MTHFD1L: variants seen among roughly 807,000 people sequenced by gnomAD.
MTHFD1L encodes monofunctional C1-tetrahydrofolate synthase, mitochondrial.
Under a neutral mutation model 119.5 loss-of-function variants are expected in MTHFD1L, and 81 were observed. The ratio of observed to expected loss-of-function variants is 0.68; its 90% CI spans 0.57 to 0.82. The LOEUF (loss-of-function observed/expected upper bound fraction) is 0.82. Among genes scored for constraint, MTHFD1L ranks in the 40% least tolerant of loss-of-function variants. The pLI is 0.00. For missense variants in MTHFD1L, 1,125 were observed against 1,253.4 expected (o/e 0.90, Z 1.55); for synonymous variants, 430 against 475.2 (o/e 0.90, Z 1.24).
intron 5 of MTHFD1L, among the ~76,000 whole-genome samples, chr6:150,884,141 A>AT (rs55821340): frequency 0.17 from 22,504 of 130,580 alleles, 2,225 homozygotes; most frequent in East Asian, 0.28. Context: ...CCTCATCTCT[A>AT]TTTTTTTTTT....
chr6:150,971,451 G>T (rs1797992129), intron 19 of MTHFD1L, among the ~76,000 whole-genome samples: 1 of 152,114 alleles, frequency 6.6e-6, no homozygotes, highest in African/African-American at 2.4e-5. Flanking sequence ...CGCCCATCTT[G>T]GCCTCCCAAA....
chr6:151,083,491 C>T (rs1053722132), intron 26 of MTHFD1L, among the ~76,000 whole-genome samples: 1 of 152,152 alleles, frequency 6.6e-6, no homozygotes, highest in African/African-American at 2.4e-5. Context: ...CCACAGCGCC[C>T]GGCCACAAAT....
rs1398739584 is a variant in MTHFD1L at position 151,009,869 on chromosome 6, A to C, written c.2176A>C (p.Ile726Leu). 1.9e-6 allele frequency: 3 copies of C among 1,613,922 alleles called. No homozygotes were observed. The South Asian group carries it at 3.3e-5, about 18-fold the overall frequency. ...ADIGMEKFFN[I>L]KCRASGLVPN... ...CATCGGAATGGAGAAATTCTTCAAC[A>C]TCAAGTGCCGAGCTTCCGGCTTGGT... The change falls in exon 21 of 28, where the codon ATC becomes CTC. Residue 726 changes from isoleucine to leucine, a missense_variant. Coordinates refer to ENST00000367321, the MANE Select transcript of MTHFD1L (RefSeq NM_015440.5).
chr6:151,025,936 CG>C (rs1397208565), intron 24 of MTHFD1L, among the ~76,000 whole-genome samples: 2 of 152,154 alleles, frequency 1.3e-5, no homozygotes, highest in African/African-American at 4.8e-5. Context: ...TAAGATGAGA[CG>C]CCCCTACTAC....
At chr6:150,883,696 T>C (rs1781741329) in intron 5 of MTHFD1L, among the ~76,000 whole-genome samples, 1 of 152,190 alleles carries the variant, frequency 6.6e-6, no homozygotes, top group South Asian at 2.1e-4. Context: ...ATTCATGTCA[T>C]GGAGTGACAT....
chr6:151,019,782 A>G (rs1419722484), intron 24 of MTHFD1L, among the ~76,000 whole-genome samples: 1 of 152,212 alleles, frequency 6.6e-6, no homozygotes, highest in Non-Finnish European at 1.5e-5. Flanking sequence ...TAGATCATCT[A>G]AGACCATTTA....
chr6:151,067,891 A>G (rs1343358766), intron 26 of MTHFD1L, among the ~76,000 whole-genome samples: 2 of 152,234 alleles, frequency 1.3e-5, no homozygotes, highest in Non-Finnish European at 2.9e-5. Context: ...TGGGGACACC[A>G]GCCAAATGAA....
intron 24 of MTHFD1L, among the ~76,000 whole-genome samples, chr6:151,018,758 C>T (rs1343233747): frequency 6.6e-6 from 1 of 152,146 alleles, no homozygotes; most frequent in African/African-American, 2.4e-5. Context: ...GGCATAGGCA[C>T]AGATTCCATG....
intron 10 of MTHFD1L, among the ~76,000 whole-genome samples, chr6:150,923,547 T>TTTTC (rs1789423566): frequency 7.2e-6 from 1 of 138,498 alleles, no homozygotes; most frequent in African/African-American, 2.7e-5. Context: ...ATTTTTTCTT[T>TTTTC]TTTTTTTTTT....
intron 5 of MTHFD1L, among the ~76,000 whole-genome samples, chr6:150,883,205 G>A (rs1263418983): frequency 1.3e-5 from 2 of 151,946 alleles, no homozygotes; most frequent in Admixed American, 6.6e-5. Context: ...GCTAATTTTT[G>A]TATTTTTAGT....
At chr6:151,036,276 G>A (rs1562573586) in intron 25 of MTHFD1L, among the ~76,000 whole-genome samples, 1 of 151,962 alleles carries the variant, frequency 6.6e-6, no homozygotes, top group South Asian at 2.1e-4. Context: ...TTTAAAGTTA[G>A]TGTCAAGTAT....
chr6:151,081,995 C>G (rs1425195181), intron 26 of MTHFD1L, among the ~76,000 whole-genome samples: 2 of 152,132 alleles, frequency 1.3e-5, no homozygotes, highest in Admixed American at 6.5e-5. Context: ...GCCAGTAGGA[C>G]CTTGACATAA....
At chr6:151,038,945 G>A (rs1409608799) in intron 26 of MTHFD1L, among the ~76,000 whole-genome samples, 1 of 152,162 alleles carries the variant, frequency 6.6e-6, no homozygotes, top group Non-Finnish European at 1.5e-5. Flanking sequence ...GGGTTAATAG[G>A]ATCTAAGGAA....
intron 8 of MTHFD1L, among the ~76,000 whole-genome samples, chr6:150,913,965 T>TA (rs971476000): frequency 2.0e-5 from 3 of 152,020 alleles, no homozygotes; most frequent in Non-Finnish European, 2.9e-5. Flanking sequence ...CTGCCTCTAC[T>TA]AAAAAAATAC....
intron 1 of MTHFD1L, among the ~76,000 whole-genome samples, chr6:150,872,552 A>T (rs1472947022): frequency 6.6e-6 from 1 of 152,192 alleles, no homozygotes; most frequent in Non-Finnish European, 1.5e-5. Context: ...GGTTTGGCCA[A>T]CACAATTACA....
At chr6:151,086,589 G>C (rs1793827959) in intron 26 of MTHFD1L, among the ~76,000 whole-genome samples, 2 of 151,992 alleles carry the variant, frequency 1.3e-5, no homozygotes, top group Non-Finnish European at 2.9e-5. Flanking sequence ...GAGTACAGTG[G>C]TGCACATGGC....
At position 151,095,355 on chromosome 6, in the gene MTHFD1L, C is replaced by T. The variant is rs142959415; in HGVS notation, c.*31+2768C>T. On this transcript the variant is annotated intron_variant, in intron 27 of 27. Coordinates refer to ENST00000367321, the MANE Select transcript of MTHFD1L (RefSeq NM_015440.5). ...TGGCCTAGCAATTCTCTTTTTATGT[C>T]AGGAACCCATTATGTTACATTTCTG... Among the ~76,000 whole-genome samples, 409 of 152,238 alleles carry T rather than the reference C, an allele frequency of 2.7e-3. 1 individual carries two copies. Among genetic ancestry groups the T allele is most frequent in the Non-Finnish European group, 4.0e-3 (275 of 68,020 alleles).
chr6:150,868,610 T>G (rs754044842), intron 1 of MTHFD1L, among the ~76,000 whole-genome samples: 1 of 152,164 alleles, frequency 6.6e-6, no homozygotes, highest in African/African-American at 2.4e-5. Flanking sequence ...GTGCTGGGAT[T>G]ACAGGTGTGA....
chr6:151,053,477 T>A (rs942507460), intron 26 of MTHFD1L, among the ~76,000 whole-genome samples: 1 of 152,352 alleles, frequency 6.6e-6, no homozygotes, highest in African/African-American at 2.4e-5. Flanking sequence ...GGGTCCATGC[T>A]GTTGTTGGTG....
Sources: allele counts gnomAD v4.1 joint callset (sites outside exome capture counted in the v4.1 genomes callset), GRCh38; gene constraint gnomAD v4.1.1; transcripts MANE v1.5; gene names NCBI Gene and HGNC (gene_info 2026-07-23, HGNC 2026-07-21).